Variants in MDGA2 observed in about 807,000 individuals in gnomAD.
MDGA2 encodes MAM domain containing glycosylphosphatidylinositol anchor 2.
MDGA2 carries 40 observed loss-of-function variants against 117.8 expected under a neutral mutation model. That is an observed-to-expected ratio of 0.34 (90% CI 0.26 to 0.44). The LOEUF (loss-of-function observed/expected upper bound fraction) is 0.44, where lower values mean the gene tolerates loss of function less well. MDGA2 is among the 20% of genes least tolerant of loss of function. The pLI, the probability that MDGA2 is intolerant of heterozygous loss-of-function variation, is 1.00. For missense variants in MDGA2, 1,123 were observed against 1,250.6 expected, an observed-to-expected ratio of 0.90 and a Z score of 1.54; for synonymous variants, 452 against 439.0, an observed-to-expected ratio of 1.03 and a Z score of -0.37.
rs374660369 is a variant in MDGA2, at chr14:47,094,322, CTTTG to C, written c.1195+2528_1195+2531del. The stretch of plus-strand genomic sequence containing the variant: ...AAATTGAAGAAATAAATTTTTAAGG[CTTTG>C]TTTATTTCAGGTCTTTCATGTCAAA... On this transcript the variant is annotated intron_variant, in intron 6 of 16. Coordinates refer to ENST00000399232, the MANE Select transcript of MDGA2 (RefSeq NM_001113498.3). Among the ~76,000 whole-genome samples the C allele has an allele frequency of 1.3e-3, 202 of 151,976 alleles. 2 individuals carry two copies. The highest frequency in any genetic ancestry group is 3.6e-3 in the African/African-American group (149 of 41,500).
chr14:47,201,485 A>G (rs7152106), intron 3 of MDGA2, among the ~76,000 whole-genome samples: 33,454 of 152,052 alleles, frequency 0.22, 4,180 homozygotes, highest in East Asian at 0.35. Flanking sequence ...CTACTCATCA[A>G]CCTGACTGAA....
intron 3 of MDGA2, among the ~76,000 whole-genome samples, chr14:47,200,269 A>G (rs949895124): frequency 6.6e-6 from 1 of 152,054 alleles, no homozygotes; most frequent in Admixed American, 6.5e-5. Flanking sequence ...GGCATTTTTA[A>G]TTTATTTTTT....
At chr14:46,945,534 A>G (rs1017077476) in intron 9 of MDGA2, among the ~76,000 whole-genome samples, 6 of 152,028 alleles carry the variant, frequency 3.9e-5, no homozygotes, top group African/African-American at 1.4e-4. Flanking sequence ...TCCTTAGGTA[A>G]GGATCCACAC....
At chr14:46,946,982 A>G (rs1026216714) in intron 9 of MDGA2, among the ~76,000 whole-genome samples, 3 of 152,086 alleles carry the variant, frequency 2.0e-5, no homozygotes, top group African/African-American at 4.8e-5. Flanking sequence ...TTATGAATAA[A>G]ATATTTTAAA....
At chr14:46,867,525 T>A (rs2138344389) in intron 14 of MDGA2, among the ~76,000 whole-genome samples, 1 of 152,206 alleles carries the variant, frequency 6.6e-6, no homozygotes, top group East Asian at 1.9e-4. Flanking sequence ...ACATGTACCC[T>A]AAAACTTAAA....
intron 1 of MDGA2, among the ~76,000 whole-genome samples, chr14:47,306,587 C>T (rs1048798000): frequency 3.9e-5 from 6 of 152,154 alleles, no homozygotes; most frequent in East Asian, 1.9e-4. Context: ...AAATCCCTCA[C>T]GCAGCTATTC....
chr14:47,476,087 C>G (rs143686626), intron 1 of MDGA2, among the ~76,000 whole-genome samples: 1 of 151,964 alleles, frequency 6.6e-6, no homozygotes, highest in East Asian at 1.9e-4. Flanking sequence ...ATTTTAATAG[C>G]TAAAAAGCAT....
intron 1 of MDGA2, among the ~76,000 whole-genome samples, chr14:47,333,722 TAA>T (rs903558272): frequency 1.1e-4 from 16 of 147,332 alleles, no homozygotes; most frequent in South Asian, 4.2e-4. Flanking sequence ...ACAAATTTAA[TAA>T]GTCATCATTT....
intron 1 of MDGA2, among the ~76,000 whole-genome samples, chr14:47,533,100 C>A (rs1400071804): frequency 6.6e-6 from 1 of 152,236 alleles, no homozygotes; most frequent in Admixed American, 6.5e-5. Flanking sequence ...ACATATCCAT[C>A]ATTAAAGTCA....
At chr14:47,363,076 A>G (rs957136259) in intron 1 of MDGA2, among the ~76,000 whole-genome samples, 1 of 152,114 alleles carries the variant, frequency 6.6e-6, no homozygotes, top group Non-Finnish European at 1.5e-5. Flanking sequence ...TGAAGATATT[A>G]ATGTCTCTGT....
At chr14:47,427,397 C>T (rs777682646) in intron 1 of MDGA2, among the ~76,000 whole-genome samples, 8 of 152,092 alleles carry the variant, frequency 5.3e-5, no homozygotes, top group Non-Finnish European at 8.8e-5. Flanking sequence ...TCTTCAAATG[C>T]CACGGTTTGC....
intron 1 of MDGA2, among the ~76,000 whole-genome samples, chr14:47,652,821 C>T (rs1275536885): frequency 6.6e-6 from 1 of 152,024 alleles, no homozygotes; most frequent in Non-Finnish European, 1.5e-5. Flanking sequence ...GGAAAGAAAA[C>T]ATATCACTTT....
chr14:47,341,462 C>A (rs540186818), intron 1 of MDGA2, among the ~76,000 whole-genome samples: 2 of 152,016 alleles, frequency 1.3e-5, no homozygotes, highest in African/African-American at 4.8e-5. Flanking sequence ...CTCTTTGGTA[C>A]GTAATTTCTT....
intron 7 of MDGA2, among the ~76,000 whole-genome samples, chr14:47,048,699 A>G (rs1215115151): frequency 6.6e-6 from 1 of 152,096 alleles, no homozygotes; most frequent in Non-Finnish European, 1.5e-5. Flanking sequence ...TGAAACAACC[A>G]GTGAACACAA....
intron 1 of MDGA2, among the ~76,000 whole-genome samples, chr14:47,466,868 GT>G (rs1215582441): frequency 6.6e-6 from 1 of 151,904 alleles, no homozygotes; most frequent in African/African-American, 2.4e-5. Flanking sequence ...CATTCTGCAG[GT>G]ACCTTCAGTT....
At chr14:47,379,552 T>A (rs117369383) in intron 1 of MDGA2, among the ~76,000 whole-genome samples, 13,744 of 151,074 alleles carry the variant, frequency 0.091, 813 homozygotes, top group Middle Eastern at 0.2. Flanking sequence ...AAACAGAAAA[T>A]AAAAACAGGG....
chr14:47,440,963 A>G (rs1168105498), intron 1 of MDGA2, among the ~76,000 whole-genome samples: 2 of 152,124 alleles, frequency 1.3e-5, no homozygotes, highest in African/African-American at 4.8e-5. Context: ...GACTGCAAAT[A>G]CACAGTCAAA....
In MDGA2 at chr14:47,184,474, A is replaced by G. The variant is rs1350356952; in HGVS notation, c.595+33547T>C. ...ATAACTTTGGGTTATATTATTAAAT[A>G]CCCATGTAGCCCAGATTCATTTCTA... On this transcript the variant is annotated intron_variant, in intron 3 of 16. Transcript: ENST00000399232. Among the ~76,000 whole-genome samples the G allele has an allele frequency of 2.0e-5, 3 of 151,984 alleles. No homozygotes were observed. The East Asian group carries it at 5.8e-4, about 29-fold the overall frequency.
chr14:46,982,655 G>A (rs1017122448), intron 8 of MDGA2, among the ~76,000 whole-genome samples: 1 of 126,180 alleles, frequency 7.9e-6, no homozygotes, highest in Non-Finnish European at 1.6e-5. Flanking sequence ...GTTGCAATGA[G>A]CCGAGATCAC....
Sources: gnomAD v4.1 joint callset for allele counts (sites outside exome capture counted in the v4.1 genomes callset) on GRCh38, gnomAD v4.1.1 for gene constraint, MANE v1.5 for transcripts, NCBI Gene and HGNC (gene_info 2026-07-23, HGNC 2026-07-21) for gene names.